Variants in PCDH15 observed in about 807,000 individuals in gnomAD.
PCDH15 encodes the protein protocadherin related 15, also known as protocadherin-15.
In PCDH15, 129 loss-of-function variants were observed where a neutral mutation model predicts 178.5. The ratio of observed to expected loss-of-function variants is 0.72; its 90% CI spans 0.63 to 0.84. PCDH15 has a LOEUF of 0.84. Among genes scored for constraint, PCDH15 ranks in the 40% least tolerant of loss-of-function variants. The pLI is 0.00. For missense variants in PCDH15, 2,230 were observed against 2,099.9 expected (o/e 1.06, Z -1.21); for synonymous variants, 800 against 732.0 (o/e 1.09, Z -1.50).
chr10:54,962,053 T>C (rs1410587306), intron 2 of PCDH15, among the ~76,000 whole-genome samples: 1 of 152,222 alleles, frequency 6.6e-6, no homozygotes, highest in Non-Finnish European at 1.5e-5. Flanking sequence ...TCGCTTACCC[T>C]CCAGTTGTCC....
intron 2 of PCDH15, among the ~76,000 whole-genome samples, chr10:54,969,600 G>T (rs118074886): frequency 6.6e-6 from 1 of 152,010 alleles, no homozygotes. Flanking sequence ...ATGTTTTCTC[G>T]CCAGTATTCT....
intron 23 of PCDH15, among the ~76,000 whole-genome samples, chr10:53,951,418 T>C (rs1021276755): frequency 1.3e-5 from 2 of 152,094 alleles, no homozygotes; most frequent in African/African-American, 4.8e-5. Flanking sequence ...ATTAGCTTTT[T>C]AAGAACTCTT....
intron 9 of PCDH15, among the ~76,000 whole-genome samples, chr10:54,234,129 CTTCTGTGT>C (rs1316127582): frequency 6.4e-4 from 70 of 109,932 alleles, no homozygotes; most frequent in African/African-American, 2.4e-3. Flanking sequence ...TGGATATCCC[CTTCTGTGT>C]GTGTGTGTGT....
chr10:55,318,191 G>GA (rs1843779843), intron 1 of PCDH15, among the ~76,000 whole-genome samples: 1 of 151,600 alleles, frequency 6.6e-6, no homozygotes, highest in Admixed American at 6.6e-5. Context: ...TTAACCCTCG[G>GA]AAAAAAGAAA....
intron 5 of PCDH15, among the ~76,000 whole-genome samples, chr10:54,362,322 A>G (rs543735955): frequency 1.3e-5 from 2 of 152,192 alleles, no homozygotes; most frequent in South Asian, 4.1e-4. Context: ...AGTATGCCTA[A>G]TGACAAAAGG....
intron 3 of PCDH15, among the ~76,000 whole-genome samples, chr10:54,518,960 T>C (rs945044716): frequency 7.2e-5 from 11 of 152,016 alleles, no homozygotes; most frequent in African/African-American, 1.9e-4. Flanking sequence ...AAGACAAAAA[T>C]CACATGATTA....
intron 3 of PCDH15, among the ~76,000 whole-genome samples, chr10:54,830,558 G>A (rs1953205494): frequency 6.6e-6 from 1 of 151,702 alleles, no homozygotes; most frequent in African/African-American, 2.4e-5. Flanking sequence ...CACAGGAAGG[G>A]GAACATCACA....
intron 2 of PCDH15, among the ~76,000 whole-genome samples, chr10:55,084,067 A>C (rs966592956): frequency 1.9e-4 from 29 of 151,950 alleles, no homozygotes; most frequent in African/African-American, 6.7e-4. Context: ...AAAATATAAA[A>C]AAAATTCTAA....
rs1206969140 is a variant in PCDH15 at position 54,923,724 on chromosome 10, A to C, written c.-79-26224T>G. The stretch of plus-strand genomic sequence containing the variant: ...TAAAGAATAGCAACAGTGACCTTTA[A>C]CCAGTTCCTAAAAAGTTTATCATCT... On this transcript the variant is annotated intron_variant, in intron 2 of 5. Coordinates refer to the PCDH15 transcript ENST00000458638. 1.5e-5 allele frequency among the ~76,000 whole-genome samples: 2 copies of C among 137,898 alleles called. 1 individual carries two copies. Among genetic ancestry groups the C allele is most frequent in the Non-Finnish European group, 3.4e-5 (2 of 59,244 alleles). The allele number at this position is 137,898 out of a possible 152,430, so 90.5% of individuals were successfully genotyped here. A position where few individuals can be genotyped will look rare whatever the true frequency, so the allele number is the denominator to read the frequency against.
At chr10:54,872,485 A>G (rs1483600240) in intron 3 of PCDH15, among the ~76,000 whole-genome samples, 4 of 152,164 alleles carry the variant, frequency 2.6e-5, no homozygotes, top group Admixed American at 6.5e-5. Context: ...ATACATTTTT[A>G]TATGGAATGT....
intron 2 of PCDH15, among the ~76,000 whole-genome samples, chr10:55,048,077 A>C (rs1841058874): frequency 6.6e-6 from 1 of 151,886 alleles, no homozygotes; most frequent in African/African-American, 2.4e-5. Context: ...GTGCTCATCA[A>C]TACTGGCACT....
chr10:54,974,557 G>A (rs1208078509), intron 2 of PCDH15, among the ~76,000 whole-genome samples: 1 of 151,496 alleles, frequency 6.6e-6, no homozygotes, highest in Non-Finnish European at 1.5e-5. Context: ...TTATATTCAG[G>A]CAATGCATAA....
intron 20 of PCDH15, among the ~76,000 whole-genome samples, chr10:54,004,454 T>G (rs907358906): frequency 4.7e-5 from 7 of 149,956 alleles, no homozygotes; most frequent in Non-Finnish European, 8.9e-5. Context: ...CTGATAAATT[T>G]AGTAAAGTTG....
Position 55,467,373 on chromosome 10 carries a change from CTT to C in PCDH15, c.-156+160250_-156+160251del, listed in dbSNP as rs59787759. ...AAAGAAAAGCCTGATCTTGGCCTGACTTTTTTTTTTTTTTTTTTTTAACTAGG... is the reference window on the plus strand; with the variant it reads ...AAAGAAAAGCCTGATCTTGGCCTGACTTTTTTTTTTTTTTTTTTAACTAGG... On this transcript the variant is annotated intron_variant, in intron 2 of 5. Coordinates refer to the PCDH15 transcript ENST00000613346. 7.6e-3 allele frequency among the ~76,000 whole-genome samples: 663 copies of C among 87,750 alleles called. 17 individuals carry two copies. Among genetic ancestry groups the C allele is most frequent in the South Asian group, 0.042 (99 of 2,344 alleles). 57.6% of individuals were successfully genotyped at this position (87,750 alleles called of 152,430 possible).
At chr10:55,145,873 TC>T (rs1838494433) in intron 2 of PCDH15, among the ~76,000 whole-genome samples, 1 of 126,674 alleles carries the variant, frequency 7.9e-6, no homozygotes, top group Admixed American at 8.9e-5. Context: ...TCTTACAAAC[TC>T]TTGACTGTAA....
intron 25 of PCDH15, among the ~76,000 whole-genome samples, chr10:53,922,327 A>G (rs910138599): frequency 2.3e-4 from 35 of 152,302 alleles, no homozygotes; most frequent in African/African-American, 8.2e-4. Context: ...CTTTTTATAG[A>G]GTATTTCTTA....
chr10:54,529,978 A>T (rs139161450), intron 2 of PCDH15, among the ~76,000 whole-genome samples: 108 of 152,150 alleles, frequency 7.1e-4, no homozygotes, highest in African/African-American at 2.5e-3. Flanking sequence ...GATAAAAATT[A>T]TGTATTTTAG....
At chr10:55,275,280 T>C (rs1398538969) in intron 1 of PCDH15, among the ~76,000 whole-genome samples, 1 of 152,072 alleles carries the variant, frequency 6.6e-6, no homozygotes, top group East Asian at 1.9e-4. Context: ...TTATAACTTC[T>C]ATTTCTACTC....
intron 2 of PCDH15, among the ~76,000 whole-genome samples, chr10:54,995,211 C>G (rs1232109758): frequency 6.6e-6 from 1 of 151,862 alleles, no homozygotes; most frequent in African/African-American, 2.4e-5. Context: ...CCTGTCTCTA[C>G]TAAAAATACC....
Sources: allele counts gnomAD v4.1 joint callset (sites outside exome capture counted in the v4.1 genomes callset), GRCh38; gene constraint gnomAD v4.1.1; transcripts MANE v1.5; gene names NCBI Gene and HGNC (gene_info 2026-07-23, HGNC 2026-07-21).